PPP1R42: variants seen among roughly 807,000 people sequenced by gnomAD.
PPP1R42 encodes protein phosphatase 1 regulatory subunit 42, also known as leucine rich repeat containing 67.
A neutral mutation model predicts 31.0 loss-of-function variants in PPP1R42; 34 were observed. The observed-to-expected ratio is 1.10, with a 90% CI of 0.83 to 1.46. The LOEUF (loss-of-function observed/expected upper bound fraction) is 1.46. Among genes scored for constraint, PPP1R42 ranks in the 40% most tolerant of loss-of-function variants. The pLI, the probability that PPP1R42 is intolerant of heterozygous loss-of-function variation, is 0.00. For missense variants in PPP1R42, 268 were observed against 303.0 expected, an observed-to-expected ratio of 0.88 and a Z score of 0.86; for synonymous variants, 103 against 109.8, an observed-to-expected ratio of 0.94 and a Z score of 0.39.
At chr8:67,024,020 C>T (rs1251459300) in intron 1 of PPP1R42, among the ~76,000 whole-genome samples, 2 of 151,902 alleles carry the variant, frequency 1.3e-5, no homozygotes, top group African/African-American at 4.8e-5. Context: ...GTGGCGCGCA[C>T]CTGTAGTCCC....
intron 7 of PPP1R42, among the ~76,000 whole-genome samples, chr8:66,972,549 C>T (rs113074727): frequency 0.035 from 5,309 of 152,048 alleles, 191 homozygotes; most frequent in African/African-American, 0.079. Flanking sequence ...GCCACCACAC[C>T]CGGCTAATTT....
intron 7 of PPP1R42, among the ~76,000 whole-genome samples, chr8:66,968,157 A>G (rs1657998664): frequency 6.6e-6 from 1 of 152,202 alleles, no homozygotes; most frequent in Non-Finnish European, 1.5e-5. Flanking sequence ...CTAATCTTTA[A>G]TTAAAGTATA....
intron 5 of PPP1R42, among the ~76,000 whole-genome samples, chr8:67,005,036 G>C (rs556837343): frequency 6.6e-6 from 1 of 150,470 alleles, no homozygotes; most frequent in South Asian, 2.1e-4. Context: ...GAGCCTACTT[G>C]TATGCATGAG....
chr8:67,028,328 G>T (rs1330167146), intron 1 of PPP1R42, among the ~76,000 whole-genome samples, 163 bp downstream of exon 1: 1 of 152,178 alleles, frequency 6.6e-6, no homozygotes, highest in Non-Finnish European at 1.5e-5. Flanking sequence ...TAAAAACACA[G>T]ACTTCCAGAC....
intron 7 of PPP1R42, among the ~76,000 whole-genome samples, chr8:66,974,370 T>C (rs1452006172): frequency 6.6e-6 from 1 of 151,966 alleles, no homozygotes; most frequent in African/African-American, 2.4e-5. Context: ...GTCTGACCAA[T>C]ATGGTGAAAC....
chr8:66,989,426 A>C (rs1815126322), intron 5 of PPP1R42, among the ~76,000 whole-genome samples: 1 of 152,188 alleles, frequency 6.6e-6, no homozygotes, highest in Non-Finnish European at 1.5e-5. Flanking sequence ...CCGCTTTCTA[A>C]AAAGTGTATT....
At chr8:66,988,897 AAGG>A in intron 5 of PPP1R42, among the ~76,000 whole-genome samples, 1 of 152,240 alleles carries the variant, frequency 6.6e-6, no homozygotes, top group African/African-American at 2.4e-5. Context: ...TGGTGATTGT[AAGG>A]AATGTGTGTT....
At chr8:67,001,974 A>G (rs973010211) in intron 5 of PPP1R42, among the ~76,000 whole-genome samples, 1 of 152,128 alleles carries the variant, frequency 6.6e-6, no homozygotes, top group Non-Finnish European at 1.5e-5. Context: ...AACAAAAATT[A>G]TCTCAGGTTT....
chr8:66,985,348 A>C, intron 6 of PPP1R42: 1 of 780,662 alleles, frequency 1.3e-6, no homozygotes, highest in Non-Finnish European at 2.3e-6. Context: ...TGTTGCTTGA[A>C]TGGTTCCCTC....
chr8:67,010,161 T>C (rs1422204890), intron 5 of PPP1R42, among the ~76,000 whole-genome samples: 1 of 152,190 alleles, frequency 6.6e-6, no homozygotes, highest in Non-Finnish European at 1.5e-5. Flanking sequence ...TTCCTTCCTT[T>C]GTTCTACACT....
intron 5 of PPP1R42, among the ~76,000 whole-genome samples, chr8:66,996,161 C>G (rs1421115362): frequency 6.6e-6 from 1 of 152,172 alleles, no homozygotes; most frequent in East Asian, 1.9e-4. Flanking sequence ...AGCGATCCTT[C>G]CACCAAAGCC....
At chr8:66,974,356 A>C (rs2130915622) in intron 7 of PPP1R42, among the ~76,000 whole-genome samples, 1 of 152,194 alleles carries the variant, frequency 6.6e-6, no homozygotes, top group Non-Finnish European at 1.5e-5. Context: ...GGAGTTGGAG[A>C]CCAGTCTGAC....
At chr8:67,006,442 A>G (rs1031418343) in intron 5 of PPP1R42, among the ~76,000 whole-genome samples, 1 of 152,238 alleles carries the variant, frequency 6.6e-6, no homozygotes, top group Non-Finnish European at 1.5e-5. Context: ...TCCTGGGCTC[A>G]AGCGATCCTC....
At chr8:66,981,235 G>C (rs191123947) in intron 7 of PPP1R42, among the ~76,000 whole-genome samples, 102 of 152,168 alleles carry the variant, frequency 6.7e-4, no homozygotes, top group African/African-American at 2.4e-3. Flanking sequence ...AAGGGAGGTT[G>C]GTATGTCGTT....
At chr8:66,985,716 C>G in intron 6 of PPP1R42, 1 of 1,337,032 alleles carries the variant, frequency 7.5e-7, no homozygotes, top group Non-Finnish European at 1.1e-6. Flanking sequence ...AAGAAGGAGT[C>G]TTTGGCTGAG....
intron 5 of PPP1R42, among the ~76,000 whole-genome samples, chr8:66,997,046 G>A (rs1174627243): frequency 6.6e-5 from 10 of 152,092 alleles, no homozygotes; most frequent in Admixed American, 4.6e-4. Context: ...TCAGCTACTC[G>A]GAAGGCTGAG....
At chr8:66,981,531 C>T (rs1484860948) in intron 7 of PPP1R42, among the ~76,000 whole-genome samples, 2 of 151,954 alleles carry the variant, frequency 1.3e-5, no homozygotes, top group African/African-American at 4.8e-5. Flanking sequence ...AGGTGCCTGT[C>T]ACCACGCCTG....
chr8:66,964,316 T>C lies in PPP1R42; in HGVS notation c.*5A>G. On this transcript the variant is annotated 3_prime_UTR_variant, in exon 8 of 8. Transcript: ENST00000685739. ...CATTTTTTGTCAGCAAGCTTTCAGA[T>C]TGCTTCAAAGAGAGATTCCTGTATT... is the stretch of plus-strand genomic sequence containing the variant. The C allele has an allele frequency of 7.8e-7, 1 of 1,278,644 alleles. No individual in the cohort carries two copies. Among genetic ancestry groups the C allele is most frequent in the Non-Finnish European group, 1.0e-6 (1 of 985,362 alleles). The allele number at this position is 1,278,644 out of a possible 1,614,324, so 79.2% of individuals were successfully genotyped here. A position where few individuals can be genotyped will look rare whatever the true frequency, so the allele number is the denominator to read the frequency against.
Position 66,985,236 on chromosome 8 carries a change from A to G in PPP1R42, c.671-3056T>C, listed in dbSNP as rs1814968980. 5.4e-6 allele frequency: 6 copies of G among 1,107,560 alleles called. No individual in the cohort carries two copies. In the South Asian group the frequency reaches 6.3e-5, roughly 12 times the overall value. 68.6% of individuals were successfully genotyped at this position (1,107,560 alleles called of 1,614,324 possible). A position where few individuals can be genotyped will look rare whatever the true frequency, so the allele number is the denominator to read the frequency against. ...CAGTCTTCTCAAATTTGCCCTTGTCATGGAATTTAAAAGTGCGTTTCTGGC... is the reference window on the plus strand; with the variant it reads ...CAGTCTTCTCAAATTTGCCCTTGTCGTGGAATTTAAAAGTGCGTTTCTGGC... On this transcript the variant is annotated intron_variant, in intron 6 of 7. Coordinates refer to ENST00000685739, the MANE Select transcript of PPP1R42 (RefSeq NM_001364910.1).
Sources: gnomAD v4.1 joint callset for allele counts (sites outside exome capture counted in the v4.1 genomes callset) on GRCh38, gnomAD v4.1.1 for gene constraint, MANE v1.5 for transcripts, NCBI Gene and HGNC (gene_info 2026-07-23, HGNC 2026-07-21) for gene names.